The following PARD3B variants were observed in gnomAD, a reference collection of about 807,000 sequenced individuals.
PARD3B encodes the protein partitioning defective 3 homolog B.
Under a neutral mutation model 130.2 loss-of-function variants are expected in PARD3B, and 103 were observed. The observed-to-expected ratio is 0.79, with a 90% CI of 0.67 to 0.93. PARD3B has a LOEUF of 0.93. Among genes scored for constraint, PARD3B ranks in the 40% least tolerant of loss-of-function variants. The pLI, the probability that PARD3B is intolerant of heterozygous loss-of-function variation, is 0.00. For synonymous variants in PARD3B, 583 were observed against 553.2 expected (o/e 1.05, Z -0.76); for missense variants, 1,609 against 1,499.2 (o/e 1.07, Z -1.21).
At chr2:205,452,519 AT>A (rs1164901575) in intron 20 of PARD3B, among the ~76,000 whole-genome samples, 4 of 152,150 alleles carry the variant, frequency 2.6e-5, no homozygotes, top group African/African-American at 9.6e-5. Context: ...AAGCAATCAG[AT>A]TTTTTTTCTT....
At chr2:204,674,463 A>G (rs1223715878) in intron 1 of PARD3B, among the ~76,000 whole-genome samples, 1 of 147,226 alleles carries the variant, frequency 6.8e-6, no homozygotes, top group South Asian at 2.2e-4. Flanking sequence ...ATCAGAGGCA[A>G]ATAATCCCTT....
In PARD3B at chr2:204,678,430, G is replaced by A. The variant is rs1304269593; in HGVS notation, c.121-7751G>A. Among the ~76,000 whole-genome samples the A allele has an allele frequency of 6.6e-6, 1 of 152,136 alleles. No homozygotes were observed. Among genetic ancestry groups the A allele is most frequent in the Non-Finnish European group, 1.5e-5 (1 of 68,036 alleles). ...TACCCGGGTTCTTGTCTGGCATCCA[G>A]GAAGAATCAGGTCACACGGACTTGA... On this transcript the variant is annotated intron_variant, in intron 1 of 22. Coordinates refer to ENST00000406610, the MANE Select transcript of PARD3B (RefSeq NM_001302769.2). The surrounding 1 kb of genome is among the most constrained non-coding windows in gnomAD (Gnocchi z 4.2).
intron 3 of PARD3B, among the ~76,000 whole-genome samples, chr2:204,965,996 T>C (rs1477838678): frequency 6.6e-6 from 1 of 152,186 alleles, no homozygotes; most frequent in Non-Finnish European, 1.5e-5. Context: ...TATCTTGGTA[T>C]TTCAAACAAC....
chr2:204,998,312 G>GTGTATA (rs1278337977), intron 3 of PARD3B, among the ~76,000 whole-genome samples: 6 of 52,008 alleles, frequency 1.2e-4, no homozygotes, highest in African/African-American at 5.2e-4. Flanking sequence ...AGAACTTAAA[G>GTGTATA]TATATATATA....
intron 18 of PARD3B, among the ~76,000 whole-genome samples, chr2:205,335,144 AAG>A (rs2043264551): frequency 6.6e-6 from 1 of 152,202 alleles, no homozygotes; most frequent in South Asian, 2.1e-4. Flanking sequence ...ATATATAAAT[AAG>A]TCCCTCTCAT....
intron 18 of PARD3B, chr2:205,348,270 A>G (rs2043866999): frequency 6.6e-6 from 1 of 152,214 alleles, no homozygotes; most frequent in East Asian, 1.9e-4. Context: ...TATCTTCATC[A>G]CTTGTGCTTA....
intron 3 of PARD3B, among the ~76,000 whole-genome samples, chr2:205,037,069 CTG>C (rs1215858155): frequency 7.7e-6 from 1 of 129,372 alleles, no homozygotes; most frequent in African/African-American, 2.9e-5. Flanking sequence ...ATGTAGCGGA[CTG>C]TATATATAAA....
chr2:205,120,987 C>T (rs1034154360), intron 7 of PARD3B, among the ~76,000 whole-genome samples: 1 of 152,174 alleles, frequency 6.6e-6, no homozygotes, highest in Non-Finnish European at 1.5e-5. Flanking sequence ...CACAGTTGCT[C>T]TGTGTGAGAG....
chr2:204,942,838 A>T (rs1047311490), intron 2 of PARD3B, among the ~76,000 whole-genome samples: 2 of 152,126 alleles, frequency 1.3e-5, no homozygotes, highest in Non-Finnish European at 2.9e-5. Flanking sequence ...TTAAAGAAAA[A>T]AATTAAGAAA....
rs531704244 is a variant in PARD3B at position 204,972,623 on chromosome 2, C to T, written c.394+7300C>T. ...ATTATTAAAAGGAATTTACATGTAA[C>T]CATTTAACCAAAAATATAAGACAGT... On this transcript the variant is annotated intron_variant, in intron 3 of 22. Coordinates refer to ENST00000406610, the MANE Select transcript of PARD3B (RefSeq NM_001302769.2). 2.6e-5 allele frequency among the ~76,000 whole-genome samples: 4 copies of T among 152,156 alleles called. No homozygotes were observed. The South Asian group carries it at 8.3e-4, about 32-fold the overall frequency.
intron 7 of PARD3B, among the ~76,000 whole-genome samples, chr2:205,120,023 C>A (rs1360835666): frequency 6.6e-6 from 1 of 152,010 alleles, no homozygotes; most frequent in Non-Finnish European, 1.5e-5. Context: ...CATCTTCTCG[C>A]TGGGCATTAG....
At chr2:204,756,371 G>A (rs905691453) in intron 2 of PARD3B, among the ~76,000 whole-genome samples, 6 of 151,986 alleles carry the variant, frequency 3.9e-5, no homozygotes, top group African/African-American at 1.2e-4. Flanking sequence ...ATAAATTATT[G>A]GAGATTTTGA....
chr2:204,784,278 C>G (rs538584882), intron 2 of PARD3B, among the ~76,000 whole-genome samples: 1 of 152,286 alleles, frequency 6.6e-6, no homozygotes, highest in South Asian at 2.1e-4. Context: ...TTCTTATGCT[C>G]TGGCAAACCT....
intron 2 of PARD3B, among the ~76,000 whole-genome samples, chr2:204,947,398 C>T (rs1354733356): frequency 1.4e-5 from 2 of 141,292 alleles, no homozygotes; most frequent in Non-Finnish European, 2.9e-5. Flanking sequence ...GGGCAGGAGT[C>T]CAGGAGTCTC....
chr2:205,573,416 T>G (rs1357888935), intron 22 of PARD3B, among the ~76,000 whole-genome samples: 2 of 151,954 alleles, frequency 1.3e-5, no homozygotes, highest in Non-Finnish European at 2.9e-5. Flanking sequence ...TAAGGCTGGG[T>G]GGAAAGGCAG....
At chr2:204,549,366 T>C (rs76957603) in intron 1 of PARD3B, among the ~76,000 whole-genome samples, 222 of 152,336 alleles carry the variant, frequency 1.5e-3, no homozygotes, top group African/African-American at 5.1e-3. Flanking sequence ...TGTCTTCTTA[T>C]GTGCTTATGG....
chr2:205,210,380 A>G (rs1031696456), intron 15 of PARD3B, among the ~76,000 whole-genome samples: 6 of 152,094 alleles, frequency 3.9e-5, no homozygotes, highest in Non-Finnish European at 8.8e-5. Context: ...AGTCTAACCT[A>G]AACATTGTTC....
intron 20 of PARD3B, among the ~76,000 whole-genome samples, chr2:205,447,993 C>T (rs2047966632): frequency 6.6e-6 from 1 of 152,212 alleles, no homozygotes; most frequent in Non-Finnish European, 1.5e-5. Context: ...TGACCACCTT[C>T]ACTAACAAAC....
At position 205,176,505 on chromosome 2, in the gene PARD3B, A is replaced by G. The variant is rs1559511750; in HGVS notation, c.1852A>G (p.Thr618Ala). Residue 618 changes from threonine to alanine, a missense_variant, in exon 13 of 23, where the codon ACC becomes GCC. By Grantham distance (58) the Thr-to-Ala change is moderately conservative. Coordinates refer to ENST00000406610, the MANE Select transcript of PARD3B (RefSeq NM_001302769.2). This position sits in a 1 kb window ranked among gnomAD's most constrained non-coding sequence, Gnocchi z 5.3. ...CTTTGAGAACTGTCAAAATGCTGTAACCACCTCTAGGCGAAATGATAATAG... is the reference window on the plus strand; with the variant it reads ...CTTTGAGAACTGTCAAAATGCTGTAGCCACCTCTAGGCGAAATGATAATAG... ...PCFENCQNAV[T>A]TSRRNDNSIL... 1.9e-6 allele frequency: 3 copies of G among 1,612,956 alleles called. No homozygotes were observed. Among genetic ancestry groups the G allele is most frequent in the Non-Finnish European group, 2.5e-6 (3 of 1,179,100 alleles).
Sources: allele counts gnomAD v4.1 joint callset (sites outside exome capture counted in the v4.1 genomes callset), GRCh38; gene constraint gnomAD v4.1.1; non-coding constraint Gnocchi (gnomAD v3.1); transcripts MANE v1.5; gene names NCBI Gene and HGNC (gene_info 2026-07-23, HGNC 2026-07-21).